Variants in IL18R1 observed in about 807,000 individuals in gnomAD.
IL18R1 encodes interleukin-18 receptor 1.
IL18R1 carries 40 observed loss-of-function variants against 48.5 expected under a neutral mutation model. The observed-to-expected ratio is 0.82, with a 90% CI of 0.64 to 1.07. IL18R1 has a LOEUF of 1.07. Ranked by LOEUF, IL18R1 falls within the 50% of genes least tolerant of loss-of-function variation. The pLI, the probability that IL18R1 is intolerant of heterozygous loss-of-function variation, is 0.00. For synonymous variants in IL18R1, 232 were observed against 225.9 expected (o/e 1.03, Z -0.24); for missense variants, 596 against 633.7 (o/e 0.94, Z 0.64).
At chr2:102,360,374 C>T (rs1378977313) in intron 1 of IL18R1, among the ~76,000 whole-genome samples, 1 of 152,220 alleles carries the variant, frequency 6.6e-6, no homozygotes, top group Non-Finnish European at 1.5e-5. Flanking sequence ...CACCATTCTC[C>T]TGCCTCATCC....
intron 9 of IL18R1, among the ~76,000 whole-genome samples, chr2:102,394,260 G>A (rs1680704120): frequency 6.6e-6 from 1 of 152,140 alleles, no homozygotes; most frequent in Non-Finnish European, 1.5e-5. Flanking sequence ...CTTCTGTGGT[G>A]TCAAGCAGTG....
Position 102,396,671 on chromosome 2 carries a change from A to G in IL18R1, c.1411A>G (p.Ile471Val). The change falls in exon 11 of 11, where the codon ATA (isoleucine) becomes GTA (valine). Residue 471 changes from isoleucine (I) to valine (V), a missense_variant. Around this residue, in one of 3 missense-constraint regions of IL18R1, gnomAD observed 179 missense variants for 206.1 expected, o/e 0.87. Transcript: ENST00000233957. ...HEALVERKIK[I>V]ILIEFTPVTD... Reference sequence around the variant, plus strand: ...AGCATTGGTGGAAAGAAAAATTAAAATAATCTTAATTGAATTTACACCTGT... The same window carrying G: ...AGCATTGGTGGAAAGAAAAATTAAAGTAATCTTAATTGAATTTACACCTGT... The G allele has an allele frequency of 3.1e-6, 5 of 1,613,736 alleles. No homozygotes were observed. The highest frequency in any genetic ancestry group is 4.2e-6 in the Non-Finnish European group (5 of 1,179,592).
In IL18R1 at chr2:102,381,656, A is replaced by G; in HGVS notation, c.662A>G (p.Lys221Arg). 6.2e-7 allele frequency: 1 copy of G among 1,613,038 alleles called. No homozygotes were observed. Among genetic ancestry groups the G allele is most frequent in the Non-Finnish European group, 8.5e-7 (1 of 1,179,014 alleles). Residue 221 changes from lysine (K) to arginine (R), a missense_variant, in exon 6 of 11, where the codon AAG (lysine) becomes AGG (arginine). Lys to Arg is a conservative substitution (Grantham distance 26). Transcript: ENST00000233957. Reference protein sequence around the residue: ...SNIVPVLLGPKLNHVAVELGK... With the variant: ...SNIVPVLLGPRLNHVAVELGK... ...ATAGTTCCGGTTCTTCTTGGACCAA[A>G]GCTTAACCATGTTGCAGTGGAATTA...
At chr2:102,364,314 CGAAATG>C (rs1678757082) in intron 2 of IL18R1, among the ~76,000 whole-genome samples, 1 of 152,106 alleles carries the variant, frequency 6.6e-6, no homozygotes, top group Admixed American at 6.6e-5. Flanking sequence ...GGATAAATTG[CGAAATG>C]GTAACACGAT....
intron 1 of IL18R1, 134 bp from the exon 2 acceptor site, chr2:102,362,499 T>C (rs1467364954): frequency 4.4e-6 from 2 of 459,312 alleles, no homozygotes. Context: ...AATTGGTTAC[T>C]ATATTAAGGA....
rs760193530 is a variant in IL18R1 at position 102,362,761 on chromosome 2, TG to T, written c.58+44del. ...CTCTCAAACATATTTCATGAGTAAT[TG>T]AGGAAGAATGTCAAAGTTTTTTTTT... On this transcript the variant is annotated intron_variant, in intron 2 of 10. Coordinates refer to ENST00000233957, the MANE Select transcript of IL18R1 (RefSeq NM_003855.5). 13 of 1,275,058 alleles carry T rather than the reference TG, an allele frequency of 1.0e-5. No homozygotes were observed. The East Asian group carries it at 3.1e-4, about 30-fold the overall frequency. 79.0% of individuals were successfully genotyped at this position (1,275,058 alleles called of 1,614,324 possible).
chr2:102,357,135 G>T (rs959471525), intron 1 of IL18R1, among the ~76,000 whole-genome samples: 1 of 152,168 alleles, frequency 6.6e-6, no homozygotes, highest in Admixed American at 6.5e-5. Context: ...GGTTTGTGCA[G>T]GTTCTGGGGA....
At chr2:102,395,670 A>G (rs565487972) in intron 10 of IL18R1, among the ~76,000 whole-genome samples, 1 of 152,190 alleles carries the variant, frequency 6.6e-6, no homozygotes, top group Non-Finnish European at 1.5e-5. Flanking sequence ...CAATTTTACT[A>G]TATTTCCGTT....
At chr2:102,375,182 G>A (rs1487108074) in intron 4 of IL18R1, among the ~76,000 whole-genome samples, 2 of 152,182 alleles carry the variant, frequency 1.3e-5, no homozygotes, top group African/African-American at 4.8e-5. Flanking sequence ...CAATGGTCAA[G>A]GATGGCCATT....
intron 1 of IL18R1, 73 bp from the exon 2 acceptor site, chr2:102,362,560 T>C: frequency 1.0e-6 from 1 of 969,928 alleles, no homozygotes. Flanking sequence ...GCCAGAAGAT[T>C]TTTAAACCTT....
In IL18R1 at chr2:102,368,015, G is replaced by A. The variant is rs1679015307; in HGVS notation, c.249G>A (p.Leu83=). 1 of 1,614,040 alleles carries A rather than the reference G, an allele frequency of 6.2e-7. No homozygotes were observed. The highest frequency in any genetic ancestry group is 1.7e-5 in the Admixed American group (1 of 60,000). The change falls in exon 3 of 11, where the codon TTG becomes TTA. Residue 83 remains leucine, a synonymous_variant. Transcript: ENST00000233957. ...SSRIALHDCV[L]EFWPVELNDT... ...GAATTGCTTTGCATGATTGTGTTTT[G>A]GAGTTTTGGCCAGTTGAGTTGAATG...
chr2:102,374,733 G>A (rs1679474196), intron 4 of IL18R1, among the ~76,000 whole-genome samples: 1 of 151,802 alleles, frequency 6.6e-6, no homozygotes, highest in African/African-American at 2.4e-5. Flanking sequence ...AGCCGAGACT[G>A]GGCCACTGCA....
intron 2 of IL18R1, among the ~76,000 whole-genome samples, chr2:102,365,187 G>T (rs182583964): frequency 1.3e-5 from 2 of 152,202 alleles, no homozygotes; most frequent in Non-Finnish European, 2.9e-5. Context: ...GACAAGGAAG[G>T]TCCCTTCCTA....
At chr2:102,390,391 T>G (rs541692501) in intron 9 of IL18R1, among the ~76,000 whole-genome samples, 174 bp downstream of exon 9, 1 of 152,306 alleles carries the variant, frequency 6.6e-6, no homozygotes, top group South Asian at 2.1e-4. Flanking sequence ...GTCTATGTCT[T>G]CTTTTCTTGT....
chr2:102,397,055 T>C lies in IL18R1; in HGVS notation c.*169T>C. ...GGTTGGCGGGAATGAGACTAAAGAT[T>C]GCGCTGTGGGCTGTGGTCACGTGCT... On this transcript the variant is annotated 3_prime_UTR_variant, in exon 11 of 11. Transcript: ENST00000233957. The C allele has an allele frequency of 1.8e-6, 1 of 570,740 alleles. No homozygotes were observed. The allele number at this position is 570,740 out of a possible 1,614,324, so 35.4% of individuals were successfully genotyped here.
chr2:102,362,160 A>G (rs1400636404), intron 1 of IL18R1, among the ~76,000 whole-genome samples: 1 of 152,212 alleles, frequency 6.6e-6, no homozygotes, highest in African/African-American at 2.4e-5. Flanking sequence ...TGAAGGAGGA[A>G]GATGGAGTTT....
rs1281013979 is a variant in IL18R1 at position 102,397,697 on chromosome 2, A to G, written c.*811A>G. On this transcript the variant is annotated 3_prime_UTR_variant, in exon 11 of 11. Coordinates refer to ENST00000233957, the MANE Select transcript of IL18R1 (RefSeq NM_003855.5). ...TGCCAGGTTGTATTAGCCATTGAAT[A>G]GCAAAAAACTGATAGTTACTTGCTT... is the stretch of plus-strand genomic sequence containing the variant. The G allele has an allele frequency of 1.3e-5, 2 of 152,380 alleles. No homozygotes were observed. Among genetic ancestry groups the G allele is most frequent in the Non-Finnish European group, 2.9e-5 (2 of 68,038 alleles). 9.4% of individuals were successfully genotyped at this position (152,380 alleles called of 1,614,324 possible).
Position 102,362,146 on chromosome 2 carries a change from G to A in IL18R1, c.-28-487G>A, listed in dbSNP as rs921355031. ...ATTATGAAAGAATTATGAAACCTAC[G>A]TTCTGAAGGAGGAAGATGGAGTTTT... On this transcript the variant is annotated intron_variant, in intron 1 of 10. Coordinates refer to ENST00000233957, the MANE Select transcript of IL18R1 (RefSeq NM_003855.5). Among the ~76,000 whole-genome samples, 10 of 152,148 alleles carry A rather than the reference G, an allele frequency of 6.6e-5. No individual in the cohort carries two copies. The East Asian group carries it at 1.2e-3, about 18-fold the overall frequency.
chr2:102,363,356 T>C (rs1678697776), intron 2 of IL18R1, among the ~76,000 whole-genome samples: 2 of 152,176 alleles, frequency 1.3e-5, no homozygotes, highest in South Asian at 4.1e-4. Context: ...ATGGGCTCAT[T>C]TCCCTACTTT....
Sources: gnomAD v4.1 joint callset for allele counts (sites outside exome capture counted in the v4.1 genomes callset) on GRCh38, gnomAD v4.1.1 for gene constraint, gnomAD v4.1.1 regional missense constraint, MANE v1.5 for transcripts, NCBI Gene and HGNC (gene_info 2026-07-23, HGNC 2026-07-21) for gene names.